HDAC9: variants seen among roughly 807,000 people sequenced by gnomAD.
HDAC9 encodes the protein MEF-2 interacting transcription repressor (MITR) protein.
In HDAC9, 41 loss-of-function variants were observed where a neutral mutation model predicts 139.4. The observed-to-expected ratio is 0.29, with a 90% CI of 0.23 to 0.38. The LOEUF (loss-of-function observed/expected upper bound fraction) is 0.38. Ranked by LOEUF, HDAC9 falls within the 10% of genes least tolerant of loss-of-function variation. The pLI is 1.00. For synonymous variants in HDAC9, 517 were observed against 476.2 expected, an observed-to-expected ratio of 1.09 and a Z score of -1.12; for missense variants, 1,147 against 1,297.0, an observed-to-expected ratio of 0.88 and a Z score of 1.78.
chr7:18,683,748 A>G (rs1782055548), intron 12 of HDAC9, among the ~76,000 whole-genome samples: 1 of 152,042 alleles, frequency 6.6e-6, no homozygotes, highest in Non-Finnish European at 1.5e-5. Context: ...CAATCTTTAC[A>G]TTGTTTTATT....
Position 18,709,889 on chromosome 7 carries a change from G to T in HDAC9, c.1732-17691G>T, listed in dbSNP as rs140796188. On this transcript the variant is annotated intron_variant, in intron 12 of 25. Coordinates refer to ENST00000686413, the MANE Select transcript of HDAC9 (RefSeq NM_178425.4). ...CTTCCAAGACTTAAGCCAGAGTTCT[G>T]CCAGGGTCCTCCTACACTCAGGGGT... Among the ~76,000 whole-genome samples, 117 of 152,258 alleles carry T rather than the reference G, an allele frequency of 7.7e-4. 1 individual carries two copies. Among genetic ancestry groups the T allele is most frequent in the African/African-American group, 2.7e-3 (112 of 41,566 alleles).
intron 2 of HDAC9, among the ~76,000 whole-genome samples, chr7:18,536,860 C>G (rs79589549): frequency 0.019 from 2,935 of 152,164 alleles, 94 homozygotes; most frequent in African/African-American, 0.067. Flanking sequence ...AGTTACTACT[C>G]TTTTGGAAGA....
intron 6 of HDAC9, among the ~76,000 whole-genome samples, chr7:18,615,315 T>C (rs1283970221): frequency 6.6e-6 from 1 of 152,188 alleles, no homozygotes; most frequent in Non-Finnish European, 1.5e-5. Context: ...GAAATAGGCC[T>C]ATCACAGAGT....
intron 13 of HDAC9, among the ~76,000 whole-genome samples, chr7:18,744,447 C>T (rs1787754033): frequency 6.6e-6 from 1 of 152,102 alleles, no homozygotes; most frequent in Non-Finnish European, 1.5e-5. Flanking sequence ...CAGTCCCTTG[C>T]CCTAGAAGGA....
At chr7:18,322,023 A>C (rs1011445084) in intron 1 of HDAC9, among the ~76,000 whole-genome samples, 2 of 152,166 alleles carry the variant, frequency 1.3e-5, no homozygotes, top group African/African-American at 4.8e-5. Flanking sequence ...AGTGGAATAA[A>C]TGTAAAGCTC....
At chr7:18,272,075 G>A (rs1302424498) in intron 2 of HDAC9, among the ~76,000 whole-genome samples, 2 of 152,150 alleles carry the variant, frequency 1.3e-5, no homozygotes, top group East Asian at 1.9e-4. Flanking sequence ...TTGGAAATGT[G>A]AAGTTTTGGA....
At chr7:18,728,394 A>C (rs1785730290) in intron 13 of HDAC9, among the ~76,000 whole-genome samples, 2 of 136,838 alleles carry the variant, frequency 1.5e-5, no homozygotes, top group East Asian at 4.4e-4. Flanking sequence ...AAGGAAGGTT[A>C]AGTGTGGAAC....
rs551859942 is a variant in HDAC9, at chr7:18,753,722, A to G, written c.2043+4584A>G. On this transcript the variant is annotated intron_variant, in intron 14 of 25. Transcript: ENST00000686413. ...AAATTAATCAAAATGTATTCTCTCA[A>G]AGATGATCATTCAATATTAGATTCG... 5.9e-5 allele frequency among the ~76,000 whole-genome samples: 9 copies of G among 152,254 alleles called. No individual in the cohort carries two copies. In the South Asian group the frequency reaches 1.9e-3, roughly 32 times the overall value.
At chr7:18,202,574 C>T (rs935197372) in intron 2 of HDAC9, among the ~76,000 whole-genome samples, 2 of 152,156 alleles carry the variant, frequency 1.3e-5, no homozygotes, top group East Asian at 3.8e-4. Flanking sequence ...AAAAAAGATA[C>T]AGAATTGCAG....
chr7:18,861,159 T>A (rs957591006), intron 21 of HDAC9, among the ~76,000 whole-genome samples: 3 of 152,180 alleles, frequency 2.0e-5, no homozygotes, highest in Non-Finnish European at 4.4e-5. Context: ...AAATTCACGG[T>A]ATTTCTATGC....
intron 11 of HDAC9, among the ~76,000 whole-genome samples, chr7:18,662,024 A>C (rs1584738498): frequency 6.6e-6 from 1 of 152,134 alleles, no homozygotes; most frequent in African/African-American, 2.4e-5. Flanking sequence ...ATGTACATAT[A>C]ATACGTTCCA....
chr7:18,673,989 A>G (rs1022820600), intron 12 of HDAC9, among the ~76,000 whole-genome samples: 6 of 152,058 alleles, frequency 3.9e-5, no homozygotes, highest in African/African-American at 1.2e-4. Flanking sequence ...AAATTCATGC[A>G]TAATGTGTGC....
At chr7:18,677,399 G>T (rs147848372) in intron 12 of HDAC9, among the ~76,000 whole-genome samples, 1 of 151,800 alleles carries the variant, frequency 6.6e-6, no homozygotes, top group Admixed American at 6.6e-5. Context: ...TGATGGAAAT[G>T]TAGGTTATTT....
chr7:18,624,402 A>G (rs1742067788), intron 6 of HDAC9, among the ~76,000 whole-genome samples: 3 of 152,186 alleles, frequency 2.0e-5, no homozygotes, highest in African/African-American at 7.2e-5. Flanking sequence ...TTAAATAATG[A>G]TAGCCAATTT....
intron 1 of HDAC9, among the ~76,000 whole-genome samples, chr7:18,456,955 G>A (rs571857059): frequency 2.0e-5 from 3 of 152,112 alleles, no homozygotes; most frequent in African/African-American, 7.2e-5. Context: ...AGCTATACTC[G>A]GGAGTCACAC....
At chr7:18,706,160 CTTTTTTT>C (rs1165670432) in intron 12 of HDAC9, among the ~76,000 whole-genome samples, 50 of 86,760 alleles carry the variant, frequency 5.8e-4, no homozygotes, top group Admixed American at 2.8e-3. Flanking sequence ...GAAAGTTTTC[CTTTTTTT>C]TTTTTTTTTT....
intron 22 of HDAC9, among the ~76,000 whole-genome samples, chr7:18,922,504 C>G (rs1344591862): frequency 2.0e-5 from 3 of 152,016 alleles, no homozygotes; most frequent in African/African-American, 7.2e-5. Flanking sequence ...AAACTCAAAC[C>G]TCAGTAGAGG....
chr7:18,130,291 C>T (rs1784921091), intron 1 of HDAC9, among the ~76,000 whole-genome samples: 1 of 152,038 alleles, frequency 6.6e-6, no homozygotes, highest in African/African-American at 2.4e-5. Context: ...ATATAATGCT[C>T]AACCTGTATA....
intron 2 of HDAC9, among the ~76,000 whole-genome samples, chr7:18,260,323 G>GTTTTTTTTTTT (rs368857394): frequency 8.6e-6 from 1 of 115,642 alleles, no homozygotes; most frequent in Non-Finnish European, 1.7e-5. Flanking sequence ...TTTTTTTTTT[G>GTTTTTTTTTTT]TTTTTTTTTT....
Sources: gnomAD v4.1 joint callset for allele counts (sites outside exome capture counted in the v4.1 genomes callset) on GRCh38, gnomAD v4.1.1 for gene constraint, MANE v1.5 for transcripts, NCBI Gene and HGNC (gene_info 2026-07-23, HGNC 2026-07-21) for gene names.